Variants in SAP30L observed in about 807,000 individuals in gnomAD.
SAP30L encodes the protein SAP30 like, also known as histone deacetylase complex subunit SAP30L.
A neutral mutation model predicts 22.3 loss-of-function variants in SAP30L; 10 were observed. The observed-to-expected ratio is 0.45, with a 90% CI of 0.28 to 0.76. The LOEUF (loss-of-function observed/expected upper bound fraction) is 0.76, where lower values mean the gene tolerates loss of function less well. Among genes scored for constraint, SAP30L ranks in the 30% least tolerant of loss-of-function variants. SAP30L has a pLI of 0.14. For missense variants in SAP30L, 206 were observed against 237.9 expected (o/e 0.87, Z 0.88); for synonymous variants, 91 against 94.1 (o/e 0.97, Z 0.19).
At chr5:154,454,015 A>C (rs913922266) in intron 3 of SAP30L, among the ~76,000 whole-genome samples, 2 of 152,214 alleles carry the variant, frequency 1.3e-5, no homozygotes, top group Non-Finnish European at 2.9e-5. Context: ...ATAGAGATGC[A>C]GCCTCACTAT....
intron 2 of SAP30L, chr5:154,452,529 A>C (rs919683676): frequency 2.1e-6 from 2 of 966,014 alleles, no homozygotes; most frequent in Non-Finnish European, 2.5e-6. Context: ...ATGGGCCTTC[A>C]ATTTTTCATG....
intron 3 of SAP30L, among the ~76,000 whole-genome samples, chr5:154,453,925 C>T (rs1047728120): frequency 2.0e-5 from 3 of 152,190 alleles, no homozygotes; most frequent in African/African-American, 7.2e-5. Context: ...CTCCCAGCTT[C>T]AAGTGATCCT....
chr5:154,446,812 C>A lies in SAP30L; in HGVS notation c.201+7C>A. On this transcript the variant is annotated splice_region_variant and intron_variant, in intron 1 of 3. Transcript: ENST00000297109. The stretch of plus-strand genomic sequence containing the variant: ...GCTGGACATCGACAAGAGCGTGAGT[C>A]CGCCCCCGCTCGCGTCTGGGCCCCG... 1 of 1,599,200 alleles carries A rather than the reference C, an allele frequency of 6.3e-7. No homozygotes were observed. Among genetic ancestry groups the A allele is most frequent in the South Asian group, 1.1e-5 (1 of 89,916 alleles).
Position 154,456,467 on chromosome 5 carries a change from T to A in SAP30L, c.*439T>A, listed in dbSNP as rs1757267338. The A allele has an allele frequency of 6.2e-6, 1 of 162,536 alleles. No individual in the cohort carries two copies. The highest frequency in any genetic ancestry group is 5.9e-5 in the Admixed American group (1 of 17,040). 10.1% of individuals were successfully genotyped at this position (162,536 alleles called of 1,614,324 possible). ...ATGCTGCCCGCTGGCGACATAGATA[T>A]CCCGCCCGCTTTGTTGCAAGCTTTG... is the stretch of plus-strand genomic sequence containing the variant. On this transcript the variant is annotated 3_prime_UTR_variant, in exon 4 of 4. Coordinates refer to ENST00000297109, the MANE Select transcript of SAP30L (RefSeq NM_024632.6).
chr5:154,451,126 T>C lies in SAP30L; in HGVS notation c.237T>C (p.Asn79=), dbSNP rs773425341. The C allele has an allele frequency of 9.6e-5, 155 of 1,613,978 alleles. No homozygotes were observed. The highest frequency in any genetic ancestry group is 1.3e-4 in the Non-Finnish European group (150 of 1,180,006). The change falls in exon 2 of 4, where the codon AAT becomes AAC. Residue 79 remains asparagine, a synonymous_variant. Transcript: ENST00000297109. ...RHLYICDFHK[N]FIQSVRNKRK... ...TATATATCTGTGATTTTCACAAAAA[T>C]TTCATCCAGAGTGTCCGAAATAAAA...
intron 3 of SAP30L, 37 bp from the exon 4 acceptor site, chr5:154,455,863 A>C (rs765309756): frequency 1.1e-5 from 17 of 1,581,346 alleles, no homozygotes; most frequent in African/African-American, 2.7e-5. Context: ...TGATTTGTGC[A>C]TGGTTTAAGG....
In SAP30L at chr5:154,456,394, G is replaced by GTGC. The variant is rs1186455889; in HGVS notation, c.*367_*369dup. Reference sequence around the variant, plus strand: ...AGCTGTAGCTTGGAATAGCAGCAAGGTGCAATTGGCCATGGAAGTGCATGA... The same window carrying GTGC: ...AGCTGTAGCTTGGAATAGCAGCAAGGTGCTGCAATTGGCCATGGAAGTGCATGA... On this transcript the variant is annotated 3_prime_UTR_variant, in exon 4 of 4. Transcript: ENST00000297109. 1 of 170,900 alleles carries GTGC rather than the reference G, an allele frequency of 5.9e-6. No homozygotes were observed. Among genetic ancestry groups the GTGC allele is most frequent in the Non-Finnish European group, 1.3e-5 (1 of 79,062 alleles). The allele number at this position is 170,900 out of a possible 1,614,324, so 10.6% of individuals were successfully genotyped here.
At position 154,453,505 on chromosome 5, in the gene SAP30L, G is replaced by A; in HGVS notation, c.423+5G>A. 1 of 1,602,900 alleles carries A rather than the reference G, an allele frequency of 6.2e-7. No homozygotes were observed. The highest frequency in any genetic ancestry group is 2.2e-5 in the East Asian group (1 of 44,828). ...AATAAGGCCCAGTTAGCAGAAGTAG[G>A]TAGACAAAATTGCCCTCTAAAGAGA... On this transcript the variant is annotated splice_donor_5th_base_variant and intron_variant, in intron 3 of 3. Transcript: ENST00000297109.
At chr5:154,446,873 A>G in intron 1 of SAP30L, 68 bp downstream of exon 1, 1 of 1,381,814 alleles carries the variant, frequency 7.2e-7, no homozygotes, top group South Asian at 1.3e-5. Flanking sequence ...CCTGGGCTCC[A>G]GTCGGGACTC....
chr5:154,452,595 C>T (rs762487393), intron 2 of SAP30L: 8 of 471,248 alleles, frequency 1.7e-5, no homozygotes, highest in African/African-American at 6.3e-5. Flanking sequence ...GGTCCCTTCC[C>T]CTCTGTTATC....
intron 1 of SAP30L, among the ~76,000 whole-genome samples, chr5:154,447,837 A>AC (rs1757053793): frequency 6.6e-6 from 1 of 152,102 alleles, no homozygotes; most frequent in African/African-American, 2.4e-5. Context: ...TACACACAGC[A>AC]CCTAAGAGGC....
intron 1 of SAP30L, among the ~76,000 whole-genome samples, chr5:154,448,475 C>T (rs550181754): frequency 4.6e-5 from 7 of 152,312 alleles, no homozygotes; most frequent in Admixed American, 2.0e-4. Flanking sequence ...CCAAGGTGAT[C>T]CCTCCTTAGG....
chr5:154,451,898 T>C (rs1757148453), intron 2 of SAP30L, among the ~76,000 whole-genome samples: 1 of 152,154 alleles, frequency 6.6e-6, no homozygotes. Context: ...CTCCAGACAT[T>C]GCCACACCTC....
In SAP30L at chr5:154,460,872, G is replaced by T. The variant is rs1269015752; in HGVS notation, c.*4844G>T. On this transcript the variant is annotated 3_prime_UTR_variant, in exon 4 of 4. Coordinates refer to ENST00000297109, the MANE Select transcript of SAP30L (RefSeq NM_024632.6). Reference sequence around the variant, plus strand: ...TTCCAGGCCTCCTCATATTGTACTTGTTTCCTGCCAAATCTGGGGGATCAT... The same window carrying T: ...TTCCAGGCCTCCTCATATTGTACTTTTTTCCTGCCAAATCTGGGGGATCAT... The T allele has an allele frequency of 2.6e-5, 4 of 152,020 alleles. No homozygotes were observed. In the East Asian group the frequency reaches 5.8e-4, roughly 22 times the overall value. 9.4% of individuals were successfully genotyped at this position (152,020 alleles called of 1,614,324 possible). A position where few individuals can be genotyped will look rare whatever the true frequency, so the allele number is the denominator to read the frequency against.
chr5:154,446,834 C>T (rs1392140169), intron 1 of SAP30L, 29 bp downstream of exon 1: 1 of 1,567,510 alleles, frequency 6.4e-7, no homozygotes, highest in Non-Finnish European at 8.7e-7. Flanking sequence ...GCGTCTGGGC[C>T]CCGGCGCCCC....
intron 3 of SAP30L, 115 bp downstream of exon 3, chr5:154,453,615 G>A: frequency 1.3e-6 from 1 of 747,916 alleles, no homozygotes; most frequent in Non-Finnish European, 2.3e-6. Flanking sequence ...CAGAGTTCTG[G>A]AAGCAACTCT....
At chr5:154,451,413 A>G (rs1379311093) in intron 2 of SAP30L, 200 bp downstream of exon 2, 2 of 609,860 alleles carry the variant, frequency 3.3e-6, no homozygotes, top group South Asian at 2.2e-5. Flanking sequence ...CTGCCCCATC[A>G]TTTTACAGAC....
Position 154,458,956 on chromosome 5 carries a change from C to G in SAP30L, c.*2928C>G, listed in dbSNP as rs1211562465. On this transcript the variant is annotated 3_prime_UTR_variant, in exon 4 of 4. Coordinates refer to ENST00000297109, the MANE Select transcript of SAP30L (RefSeq NM_024632.6). The stretch of plus-strand genomic sequence containing the variant: ...AAGTTTTTAGATGTTCCTGTCATAG[C>G]TAAATAGTCACTGCTAGCCTTTCAG... 1 of 152,230 alleles carries G rather than the reference C, an allele frequency of 6.6e-6. No homozygotes were observed. Among genetic ancestry groups the G allele is most frequent in the Non-Finnish European group, 1.5e-5 (1 of 68,044 alleles). The allele number at this position is 152,230 out of a possible 1,614,324, so 9.4% of individuals were successfully genotyped here.
chr5:154,446,819 C>A lies in SAP30L; in HGVS notation c.201+14C>A. On this transcript the variant is annotated intron_variant, in intron 1 of 3. Transcript: ENST00000297109. ...ATCGACAAGAGCGTGAGTCCGCCCC[C>A]GCTCGCGTCTGGGCCCCGGCGCCCC... The A allele has an allele frequency of 6.3e-7, 1 of 1,596,708 alleles. No homozygotes were observed. Among genetic ancestry groups the A allele is most frequent in the South Asian group, 1.1e-5 (1 of 89,806 alleles).
Sources: gnomAD v4.1 joint callset for allele counts (sites outside exome capture counted in the v4.1 genomes callset) on GRCh38, gnomAD v4.1.1 for gene constraint, MANE v1.5 for transcripts, NCBI Gene and HGNC (gene_info 2026-07-23, HGNC 2026-07-21) for gene names.